UNC5D: variants seen among roughly 807,000 people sequenced by gnomAD.
The protein encoded by UNC5D is netrin receptor UNC5D.
UNC5D carries 39 observed loss-of-function variants against 105.4 expected under a neutral mutation model. That is an observed-to-expected ratio of 0.37 (90% CI 0.29 to 0.48). UNC5D has a LOEUF of 0.48. Ranked by LOEUF, UNC5D falls within the 20% of genes least tolerant of loss-of-function variation. The pLI is 0.98. For missense variants in UNC5D, 991 were observed against 1,202.4 expected, an observed-to-expected ratio of 0.82 and a Z score of 2.60; for synonymous variants, 452 against 450.4, an observed-to-expected ratio of 1.00 and a Z score of -0.04.
chr8:35,570,673 C>T (rs1817655809), intron 3 of UNC5D, among the ~76,000 whole-genome samples: 2 of 151,980 alleles, frequency 1.3e-5, no homozygotes, highest in Non-Finnish European at 2.9e-5. Context: ...AAACACTTAG[C>T]CCGGGCACGG....
At chr8:35,599,166 AAAAG>A (rs1819676711) in intron 4 of UNC5D, among the ~76,000 whole-genome samples, 3 of 150,850 alleles carry the variant, frequency 2.0e-5, no homozygotes, top group Admixed American at 2.0e-4. Flanking sequence ...AAAAAAAAAA[AAAAG>A]CTGAAGTCAC....
At chr8:35,470,290 A>G (rs2129808989) in intron 1 of UNC5D, among the ~76,000 whole-genome samples, 1 of 152,138 alleles carries the variant, frequency 6.6e-6, no homozygotes, top group East Asian at 1.9e-4. Flanking sequence ...TATGGTTTTG[A>G]GGCCATAACA....
intron 2 of UNC5D, among the ~76,000 whole-genome samples, chr8:35,552,006 A>G (rs569524393): frequency 2.6e-5 from 4 of 152,332 alleles, no homozygotes; most frequent in South Asian, 2.1e-4. Flanking sequence ...ACAGTTCTGA[A>G]CTACTGTAGG....
At chr8:35,616,425 C>G (rs1586259321) in intron 4 of UNC5D, among the ~76,000 whole-genome samples, 2 of 152,210 alleles carry the variant, frequency 1.3e-5, no homozygotes, top group Admixed American at 1.3e-4. Context: ...CAAGAACATA[C>G]AAGCCTCCTG....
intron 1 of UNC5D, among the ~76,000 whole-genome samples, chr8:35,384,968 G>A (rs1244439237): frequency 6.6e-6 from 1 of 152,132 alleles, no homozygotes; most frequent in African/African-American, 2.4e-5. Flanking sequence ...GTTGAGGTGG[G>A]GGAACATCAG....
At chr8:35,449,533 G>C (rs1808010985) in intron 1 of UNC5D, among the ~76,000 whole-genome samples, 1 of 152,116 alleles carries the variant, frequency 6.6e-6, no homozygotes, top group Non-Finnish European at 1.5e-5. Context: ...AGCATCTGCT[G>C]TTCAATACAA....
At chr8:35,382,421 G>T (rs1232000871) in intron 1 of UNC5D, among the ~76,000 whole-genome samples, 1 of 152,176 alleles carries the variant, frequency 6.6e-6, no homozygotes, top group Non-Finnish European at 1.5e-5. Context: ...AACTGAACTT[G>T]TTCATGGTCT....
chr8:35,357,537 A>C (rs968073004), intron 1 of UNC5D, among the ~76,000 whole-genome samples: 4 of 152,182 alleles, frequency 2.6e-5, no homozygotes, highest in African/African-American at 9.7e-5. Context: ...AATTTTGTGC[A>C]GTCTCATTTT....
intron 1 of UNC5D, among the ~76,000 whole-genome samples, chr8:35,280,083 C>A (rs1806044051): frequency 6.6e-6 from 1 of 152,106 alleles, no homozygotes; most frequent in Non-Finnish European, 1.5e-5. Flanking sequence ...GAGACCTCCG[C>A]CTCCTAGGTT....
chr8:35,498,004 G>A (rs1490975682), intron 1 of UNC5D, among the ~76,000 whole-genome samples: 1 of 150,026 alleles, frequency 6.7e-6, no homozygotes, highest in Non-Finnish European at 1.5e-5. Context: ...AGGAGGCAGA[G>A]GTTGCAGTGG....
intron 1 of UNC5D, among the ~76,000 whole-genome samples, chr8:35,425,082 G>A (rs1041607212): frequency 6.6e-6 from 1 of 152,148 alleles, no homozygotes; most frequent in Non-Finnish European, 1.5e-5. Flanking sequence ...TATACCTAAT[G>A]TTAAATGACG....
At chr8:35,562,123 T>A (rs1817010272) in intron 2 of UNC5D, among the ~76,000 whole-genome samples, 1 of 152,200 alleles carries the variant, frequency 6.6e-6, no homozygotes, top group African/African-American at 2.4e-5. Flanking sequence ...GAATGTGTGA[T>A]ATTTGTCTCT....
intron 1 of UNC5D, among the ~76,000 whole-genome samples, chr8:35,500,742 C>T (rs1043799109): frequency 5.3e-5 from 8 of 151,996 alleles, no homozygotes; most frequent in Admixed American, 2.6e-4. Context: ...ATCACGGCTG[C>T]GTGATAAATG....
chr8:35,247,605 AAT>A (rs1563246420), intron 1 of UNC5D, among the ~76,000 whole-genome samples: 2 of 96,448 alleles, frequency 2.1e-5, no homozygotes, highest in South Asian at 2.7e-4. Flanking sequence ...ATAATATATA[AAT>A]ATATATTATA....
chr8:35,753,875 C>T (rs530919300), intron 13 of UNC5D, among the ~76,000 whole-genome samples: 1 of 152,218 alleles, frequency 6.6e-6, no homozygotes, highest in Non-Finnish European at 1.5e-5. Flanking sequence ...GTACAGGAAA[C>T]AGCCATGTAC....
intron 4 of UNC5D, among the ~76,000 whole-genome samples, chr8:35,648,717 G>C (rs1823226075): frequency 6.7e-6 from 1 of 149,054 alleles, no homozygotes; most frequent in South Asian, 2.1e-4. Context: ...GAGATCTCCA[G>C]CTCTTTCTAA....
rs1461551355 is a variant in UNC5D at position 35,514,032 on chromosome 8, G to T, written c.104-35260G>T. Among the ~76,000 whole-genome samples, 3 of 152,142 alleles carry T rather than the reference G, an allele frequency of 2.0e-5. No homozygotes were observed. In the East Asian group the frequency reaches 5.8e-4, roughly 29 times the overall value. ...ACACAAGCCATGTAAGAAAACCATT[G>T]GTGAAAAGGATGGAAAAGTCCTCCA... On this transcript the variant is annotated intron_variant, in intron 1 of 16. Transcript: ENST00000404895.
At chr8:35,706,522 A>T (rs894136624) in intron 8 of UNC5D, among the ~76,000 whole-genome samples, 3 of 152,086 alleles carry the variant, frequency 2.0e-5, no homozygotes, top group Non-Finnish European at 4.4e-5. Flanking sequence ...TGGAGAGAGG[A>T]GATGGCTGGA....
intron 4 of UNC5D, among the ~76,000 whole-genome samples, chr8:35,607,811 T>C (rs1820407407): frequency 6.6e-6 from 1 of 151,950 alleles, no homozygotes; most frequent in Non-Finnish European, 1.5e-5. Context: ...GAACTATGAG[T>C]CAAATAAACT....
Sources: gnomAD v4.1 joint callset for allele counts (sites outside exome capture counted in the v4.1 genomes callset) on GRCh38, gnomAD v4.1.1 for gene constraint, MANE v1.5 for transcripts, NCBI Gene and HGNC (gene_info 2026-07-23, HGNC 2026-07-21) for gene names.